The following DIABLO variants were observed in gnomAD, a reference collection of about 807,000 sequenced individuals.
DIABLO encodes the protein diablo homolog, mitochondrial.
Under a neutral mutation model 31.7 loss-of-function variants are expected in DIABLO, and 32 were observed. That is an observed-to-expected ratio of 1.01 (90% CI 0.76 to 1.35). The LOEUF (loss-of-function observed/expected upper bound fraction) is 1.35. Ranked by LOEUF, DIABLO falls within the 40% of genes most tolerant of loss-of-function variation. The pLI is 0.00. For missense variants in DIABLO, 316 were observed against 286.4 expected (o/e 1.10, Z -0.75); for synonymous variants, 132 against 103.2 (o/e 1.28, Z -1.69).
At chr12:122,226,822 C>T (rs1317580785), upstream of DIABLO, among the ~76,000 whole-genome samples, 1 of 152,270 alleles carries the variant, frequency 6.6e-6, no homozygotes, top group Non-Finnish European at 1.5e-5. Flanking sequence ...TCCCCGCGCC[C>T]CGCAGCTGCA....
At chr12:122,226,590 G>A (rs1593186571), upstream of DIABLO, 5 of 689,010 alleles carry the variant, frequency 7.3e-6, no homozygotes, top group Admixed American at 1.0e-4. Flanking sequence ...CCCCAGGACG[G>A]TCGGCGGCCT....
At chr12:122,210,056 TCTCA>T (rs1258738901) in intron 5 of DIABLO, among the ~76,000 whole-genome samples, 17 of 152,134 alleles carry the variant, frequency 1.1e-4, no homozygotes, top group East Asian at 3.8e-4. Flanking sequence ...TGAGAAGGAG[TCTCA>T]CTCTATAGTT....
upstream of DIABLO, chr12:122,226,787 G>C (rs1954489019): frequency 3.7e-6 from 2 of 539,302 alleles, no homozygotes; most frequent in Admixed American, 3.4e-5. Context: ...TCTGATCCGG[G>C]CTGAGGAGGC....
intron 5 of DIABLO, among the ~76,000 whole-genome samples, chr12:122,209,481 C>T (rs1266536170): frequency 1.3e-5 from 2 of 152,064 alleles, no homozygotes; most frequent in African/African-American, 4.8e-5. Flanking sequence ...CTGGGTAACA[C>T]GGTGAAACCC....
intron 2 of DIABLO, among the ~76,000 whole-genome samples, chr12:122,219,317 G>GTGTT (rs1399462221): frequency 1.3e-5 from 2 of 152,106 alleles, no homozygotes; most frequent in South Asian, 2.1e-4. Flanking sequence ...TTCATTAACA[G>GTGTT]TGTTAGATAC....
rs1250113478 is a variant in DIABLO, at chr12:122,207,880, C to T, written c.*501G>A. ...CACTCCTTGGCCTCAGCTGTCCTCACAGGACAGTGGGGGCAGATCAGAGAA... is the reference window on the plus strand; with the variant it reads ...CACTCCTTGGCCTCAGCTGTCCTCATAGGACAGTGGGGGCAGATCAGAGAA... On this transcript the variant is annotated 3_prime_UTR_variant, in exon 6 of 6. Coordinates refer to ENST00000464942, the MANE Select transcript of DIABLO (RefSeq NM_001371333.1). 4.3e-6 allele frequency: 2 copies of T among 460,552 alleles called. No individual in the cohort carries two copies. The highest frequency in any genetic ancestry group is 8.6e-6 in the Non-Finnish European group (2 of 231,236). 28.5% of individuals were successfully genotyped at this position (460,552 alleles called of 1,614,324 possible).
At chr12:122,213,550 T>C (rs1420094858) in intron 5 of DIABLO, among the ~76,000 whole-genome samples, 1 of 151,690 alleles carries the variant, frequency 6.6e-6, no homozygotes, top group Non-Finnish European at 1.5e-5. Flanking sequence ...GTTAGCCCTT[T>C]CTATGAGTTC....
rs1228591358 is a variant in DIABLO at position 122,207,670 on chromosome 12, C to T, written c.*711G>A. The T allele has an allele frequency of 1.6e-6, 1 of 635,772 alleles. No homozygotes were observed. Among genetic ancestry groups the T allele is most frequent in the East Asian group, 3.2e-5 (1 of 31,380 alleles). The allele number at this position is 635,772 out of a possible 1,614,324, so 39.4% of individuals were successfully genotyped here. ...CAAGGAAGGAGGCTGCATAGGACCC[C>T]AGGAGAGACGCATTTTCTCTTTCAG... On this transcript the variant is annotated 3_prime_UTR_variant, in exon 6 of 6. Coordinates refer to ENST00000464942, the MANE Select transcript of DIABLO (RefSeq NM_001371333.1).
At chr12:122,223,387 T>C (rs927370303) in intron 2 of DIABLO, among the ~76,000 whole-genome samples, 1 of 151,442 alleles carries the variant, frequency 6.6e-6, no homozygotes, top group African/African-American at 2.4e-5. Context: ...TGAGCCAAGA[T>C]TGTGCCATTG....
intron 2 of DIABLO, chr12:122,221,365 T>G (rs1310297901): frequency 6.6e-6 from 1 of 152,074 alleles, no homozygotes; most frequent in Admixed American, 6.6e-5. Context: ...ACTAGGGCCC[T>G]GGAGTGCAGG....
intron 1 of DIABLO, chr12:122,225,030 T>C (rs1954422128): frequency 2.6e-6 from 1 of 377,796 alleles, no homozygotes; most frequent in Non-Finnish European, 4.9e-6. Context: ...CTGACCAACA[T>C]GGTGAAACCC....
At chr12:122,213,954 A>G (rs1954145440) in intron 5 of DIABLO, among the ~76,000 whole-genome samples, 1 of 152,104 alleles carries the variant, frequency 6.6e-6, no homozygotes, top group South Asian at 2.1e-4. Flanking sequence ...GCATGGTGGC[A>G]GGCGCTTCCA....
At chr12:122,214,615 G>A (rs1954163755) in intron 5 of DIABLO, among the ~76,000 whole-genome samples, 1 of 152,156 alleles carries the variant, frequency 6.6e-6, no homozygotes, top group African/African-American at 2.4e-5. Context: ...TGGTAGAGAT[G>A]GGGTTTCACT....
chr12:122,226,826 A>G (rs986407794), upstream of DIABLO, among the ~76,000 whole-genome samples: 1 of 152,192 alleles, frequency 6.6e-6, no homozygotes, highest in East Asian at 1.9e-4. Context: ...CGCGCCCCGC[A>G]GCTGCATGAG....
At chr12:122,216,443 A>C (rs769584215) in intron 5 of DIABLO, 45 bp downstream of exon 5, 2 of 1,488,824 alleles carry the variant, frequency 1.3e-6, no homozygotes, top group East Asian at 2.3e-5. Context: ...GTACCTTCCT[A>C]GTTAAAAAAT....
At position 122,208,474 on chromosome 12, in the gene DIABLO, T is replaced by C. The variant is rs756842203; in HGVS notation, c.627A>G (p.Ala209=). 10 of 1,614,088 alleles carry C rather than the reference T, an allele frequency of 6.2e-6. No homozygotes were observed. The African/African-American group carries it at 1.3e-4, about 22-fold the overall frequency. ...QLSRKAETKL[A]EAQIEELRQK... Reference sequence around the variant, plus strand: ...GACGGAGCTCTTCTATCTGTGCTTCTGCCAGCTTGGTTTCTGCTTTCCGGG... The same window carrying C: ...GACGGAGCTCTTCTATCTGTGCTTCCGCCAGCTTGGTTTCTGCTTTCCGGG... Residue 209 remains alanine (A), a synonymous_variant, in exon 6 of 6, where the codon GCA becomes GCG. Transcript: ENST00000464942.
At chr12:122,225,890 G>C in intron 1 of DIABLO, 75 bp downstream of exon 1, 7 of 1,545,398 alleles carry the variant, frequency 4.5e-6, no homozygotes, top group Non-Finnish European at 6.1e-6. Flanking sequence ...GGCGGGCGCC[G>C]TGGGCCGGGC....
intron 2 of DIABLO, among the ~76,000 whole-genome samples, chr12:122,219,213 CAG>C (rs1330542845): frequency 6.6e-6 from 1 of 151,608 alleles, no homozygotes; most frequent in Non-Finnish European, 1.5e-5. Flanking sequence ...AGCCTGGTGA[CAG>C]AGCGAGACTA....
chr12:122,225,425 T>C (rs1373113393), intron 1 of DIABLO: 9 of 997,592 alleles, frequency 9.0e-6, no homozygotes, highest in Non-Finnish European at 9.6e-6. Flanking sequence ...CCTTTAAACT[T>C]TTTAGAAACG....
Sources: allele counts gnomAD v4.1 joint callset (sites outside exome capture counted in the v4.1 genomes callset), GRCh38; gene constraint gnomAD v4.1.1; transcripts MANE v1.5; gene names NCBI Gene and HGNC (gene_info 2026-07-23, HGNC 2026-07-21).